The following USP6NL variants were observed in gnomAD, a reference collection of about 807,000 sequenced individuals.
The protein encoded by USP6NL is USP6 N-terminal-like protein.
Under a neutral mutation model 61.9 loss-of-function variants are expected in USP6NL, and 26 were observed. The ratio of observed to expected loss-of-function variants is 0.42; its 90% CI spans 0.31 to 0.58. The LOEUF is 0.58. Ranked by LOEUF, USP6NL falls within the 20% of genes least tolerant of loss-of-function variation. The probability of loss-of-function intolerance (pLI) is 0.16; values close to 1 mark genes in which losing one functional copy is unlikely to be tolerated. For synonymous variants in USP6NL, 432 were observed against 390.1 expected, an observed-to-expected ratio of 1.11 and a Z score of -1.27; for missense variants, 1,114 against 1,034.3, an observed-to-expected ratio of 1.08 and a Z score of -1.06.
chr10:11,463,203 C>G lies in USP6NL; in HGVS notation c.1725G>C (p.Gln575His), dbSNP rs2096224375. Residue 575 changes from glutamine (Q) to histidine (H), a missense_variant, in exon 15 of 15, where the codon CAG becomes CAC. Coordinates refer to ENST00000609104, the MANE Select transcript of USP6NL (RefSeq NM_014688.5). The surrounding 1 kb of genome is among the most constrained non-coding windows in gnomAD (Gnocchi z 6.3). Reference protein sequence around the residue: ...VEEALERAYSQSPRHALYPPS... With the variant: ...VEEALERAYSHSPRHALYPPS... The stretch of plus-strand genomic sequence containing the variant: ...GAGGGTAAAGGGCATGCCGGGGGCT[C>G]TGGGAGTAAGCCCTTTCCAGCGCCT... 1 of 1,613,490 alleles carries G rather than the reference C, an allele frequency of 6.2e-7. No homozygotes were observed. Among genetic ancestry groups the G allele is most frequent in the Admixed American group, 1.7e-5 (1 of 60,024 alleles).
intron 4 of USP6NL, among the ~76,000 whole-genome samples, chr10:11,521,432 G>C (rs1835205545): frequency 6.7e-6 from 1 of 149,796 alleles, no homozygotes; most frequent in Non-Finnish European, 1.5e-5. Context: ...CCAGGCTGGA[G>C]TGCAACGGTG....
rs1446877439 is a variant in USP6NL, at chr10:11,462,938, G to A, written c.1990C>T (p.Leu664=). The change falls in exon 15 of 15, where the codon CTG becomes TTG. Residue 664 remains leucine (L), a synonymous_variant. Coordinates refer to ENST00000609104, the MANE Select transcript of USP6NL (RefSeq NM_014688.5). Reference sequence around the variant, plus strand: ...CCATGAGGTCTCCTGGAAGGATTCAGTTGAGTCCCAGGGCTAAACTGTGGA... The same window carrying A: ...CCATGAGGTCTCCTGGAAGGATTCAATTGAGTCCCAGGGCTAAACTGTGGA... ...ASPQFSPGTQ[L]NPSRRPHGST... is the part of the protein sequence containing the mutation. The A allele has an allele frequency of 6.2e-7, 1 of 1,613,698 alleles. No individual in the cohort carries two copies. The highest frequency in any genetic ancestry group is 1.7e-5 in the Admixed American group (1 of 59,966).
chr10:11,502,474 A>G (rs1834243115), intron 6 of USP6NL, among the ~76,000 whole-genome samples: 1 of 152,214 alleles, frequency 6.6e-6, no homozygotes, highest in Non-Finnish European at 1.5e-5. Context: ...ATGTCCAAAC[A>G]GGGAAATAAT....
rs1835949519 is a variant in USP6NL, at chr10:11,539,117, G to A, written c.5-11550C>T. Among the ~76,000 whole-genome samples the A allele has an allele frequency of 2.6e-5, 4 of 152,326 alleles. No homozygotes were observed. In the South Asian group the frequency reaches 8.3e-4, roughly 32 times the overall value. On this transcript the variant is annotated intron_variant, in intron 2 of 14. Transcript: ENST00000609104. ...CTGAAAGAAGCACCTGGGCAAGACAGGCTCACCTCCTGCTCTCTCTCAGCC... is the reference window on the plus strand; with the variant it reads ...CTGAAAGAAGCACCTGGGCAAGACAAGCTCACCTCCTGCTCTCTCTCAGCC...
Position 11,463,237 on chromosome 10 carries a change from G to A in USP6NL, c.1691C>T (p.Ser564Phe). 1 of 1,613,552 alleles carries A rather than the reference G, an allele frequency of 6.2e-7. No homozygotes were observed. The highest frequency in any genetic ancestry group is 1.3e-5 in the African/African-American group (1 of 75,068). ...VPGPELDSGA[S>F]VEEALERAYS... ...AGCCCTTTCCAGCGCCTCCTCCACGGAAGCGCCGCTGTCCAGCTCCGGGCC... is the reference window on the plus strand; with the variant it reads ...AGCCCTTTCCAGCGCCTCCTCCACGAAAGCGCCGCTGTCCAGCTCCGGGCC... The change falls in exon 15 of 15, where the codon TCC (serine) becomes TTC (phenylalanine). Residue 564 changes from serine (S) to phenylalanine (F), a missense_variant. Ser to Phe is a radical substitution (Grantham distance 155). Transcript: ENST00000609104. The surrounding 1 kb of genome is among the most constrained non-coding windows in gnomAD (Gnocchi z 6.3).
chr10:11,607,906 G>A (rs184011036), intron 1 of USP6NL, among the ~76,000 whole-genome samples: 140 of 152,270 alleles, frequency 9.2e-4, no homozygotes, highest in Non-Finnish European at 1.9e-4. Flanking sequence ...ATGTCAGCAA[G>A]ACACAGGTGC....
In USP6NL at chr10:11,487,047, T is replaced by C. The variant is rs1328323771; in HGVS notation, c.665-1136A>G. Among the ~76,000 whole-genome samples the C allele has an allele frequency of 6.6e-6, 1 of 151,148 alleles. No homozygotes were observed. On this transcript the variant is annotated intron_variant, in intron 10 of 14. Transcript: ENST00000609104. The surrounding 1 kb of genome is among the most constrained non-coding windows in gnomAD (Gnocchi z 4.2). ...AATATTTTTCAGTGAAATTGTTTCATTAAAAAAAAAAAATCCGTATCTATC... is the reference window on the plus strand; with the variant it reads ...AATATTTTTCAGTGAAATTGTTTCACTAAAAAAAAAAAATCCGTATCTATC...
chr10:11,487,744 T>C lies in USP6NL; in HGVS notation c.664+1358A>G, dbSNP rs541923686. Among the ~76,000 whole-genome samples the C allele has an allele frequency of 9.9e-5, 15 of 152,272 alleles. No homozygotes were observed. Among genetic ancestry groups the C allele is most frequent in the African/African-American group, 3.6e-4 (15 of 41,562 alleles). On this transcript the variant is annotated intron_variant, in intron 10 of 14. Transcript: ENST00000609104. This position sits in a 1 kb window ranked among gnomAD's most constrained non-coding sequence, Gnocchi z 4.2. ...GACCCAGTTACCATGCAGATGATATTTGTTAAGTAATTGGCAAGAAACACT... is the reference window on the plus strand; with the variant it reads ...GACCCAGTTACCATGCAGATGATATCTGTTAAGTAATTGGCAAGAAACACT...
rs534791024 is a variant in USP6NL, at chr10:11,575,323, G to A, written c.4+22308C>T. ...TAGGGCAGTTTGGGACACGTAATAA[G>A]TGTTAAGTATCTACTGCCTTTGTTT... On this transcript the variant is annotated intron_variant, in intron 2 of 14. Transcript: ENST00000609104. This position sits in a 1 kb window ranked among gnomAD's most constrained non-coding sequence, Gnocchi z 4.2. 1.3e-5 allele frequency among the ~76,000 whole-genome samples: 2 copies of A among 152,328 alleles called. No homozygotes were observed. The highest frequency in any genetic ancestry group is 4.8e-5 in the African/African-American group (2 of 41,576).
At chr10:11,471,786 T>TG (rs1832761127) in intron 14 of USP6NL, among the ~76,000 whole-genome samples, 1 of 120,880 alleles carries the variant, frequency 8.3e-6, no homozygotes, top group African/African-American at 3.2e-5. Flanking sequence ...TGAAAACACT[T>TG]GGACACAGGG....
chr10:11,544,819 G>C (rs1261289853), intron 2 of USP6NL, among the ~76,000 whole-genome samples: 1 of 152,056 alleles, frequency 6.6e-6, no homozygotes. Flanking sequence ...TAGATAAGCA[G>C]GACCAACTTC....
At chr10:11,543,803 GTTTTTTTTT>G (rs781443038) in intron 2 of USP6NL, among the ~76,000 whole-genome samples, 2 of 76,392 alleles carry the variant, frequency 2.6e-5, no homozygotes, top group Non-Finnish European at 5.0e-5. Context: ...AAATATTTAG[GTTTTTTTTT>G]TTTTTTTTTT....
intron 2 of USP6NL, among the ~76,000 whole-genome samples, chr10:11,558,757 T>C (rs983628080): frequency 1.3e-5 from 2 of 152,238 alleles, no homozygotes; most frequent in Admixed American, 6.5e-5. Flanking sequence ...AAATTACATA[T>C]AAATATCTAA....
Position 11,511,072 on chromosome 10 carries a change from T to C in USP6NL, c.196-1397A>G, listed in dbSNP as rs1834695146. Among the ~76,000 whole-genome samples the C allele has an allele frequency of 2.0e-5, 3 of 152,200 alleles. No individual in the cohort carries two copies. Among genetic ancestry groups the C allele is most frequent in the Admixed American group, 6.5e-5 (1 of 15,288 alleles). ...TTTTAGACCTAAAAGTACATAAAAT[T>C]CCAAAGAAAATCCTGAATTTAGGAA... On this transcript the variant is annotated intron_variant, in intron 5 of 14. Coordinates refer to ENST00000609104, the MANE Select transcript of USP6NL (RefSeq NM_014688.5). The surrounding 1 kb of genome is among the most constrained non-coding windows in gnomAD (Gnocchi z 4.9).
intron 2 of USP6NL, among the ~76,000 whole-genome samples, chr10:11,594,071 C>T (rs1029555214): frequency 1.3e-5 from 2 of 152,128 alleles, no homozygotes; most frequent in South Asian, 2.1e-4. Flanking sequence ...ACATATATTG[C>T]TATTTTTTAG....
chr10:11,573,707 T>G (rs1338599428), intron 2 of USP6NL: 2 of 398,718 alleles, frequency 5.0e-6, no homozygotes, highest in South Asian at 1.3e-4. Context: ...AGACTCCAGC[T>G]GCTTCCTCTA....
At chr10:11,484,473 ACT>A in intron 13 of USP6NL, among the ~76,000 whole-genome samples, 1 of 151,486 alleles carries the variant, frequency 6.6e-6, no homozygotes, top group Admixed American at 6.6e-5. Flanking sequence ...GCCATAATGC[ACT>A]GAGGTAGAGA....
At chr10:11,469,949 A>G (rs976452559) in intron 14 of USP6NL, among the ~76,000 whole-genome samples, 1 of 152,146 alleles carries the variant, frequency 6.6e-6, no homozygotes, top group African/African-American at 2.4e-5. Flanking sequence ...CCATCTACAC[A>G]TTTCTCCCAC....
At chr10:11,550,408 G>C (rs1036767153) in intron 2 of USP6NL, among the ~76,000 whole-genome samples, 5 of 152,086 alleles carry the variant, frequency 3.3e-5, no homozygotes, top group Non-Finnish European at 7.4e-5. Flanking sequence ...TTACAACCCA[G>C]TAAGAAGAAA....
Sources: allele counts gnomAD v4.1 joint callset (sites outside exome capture counted in the v4.1 genomes callset), GRCh38; gene constraint gnomAD v4.1.1; non-coding constraint Gnocchi (gnomAD v3.1); transcripts MANE v1.5; gene names NCBI Gene and HGNC (gene_info 2026-07-23, HGNC 2026-07-21).